The following MAT2B variants were observed in gnomAD, a reference collection of about 807,000 sequenced individuals.
MAT2B encodes the protein methionine adenosyltransferase 2 subunit beta.
In MAT2B, 16 loss-of-function variants were observed where a neutral mutation model predicts 36.1. The observed-to-expected ratio is 0.44, with a 90% CI of 0.30 to 0.67. The LOEUF (loss-of-function observed/expected upper bound fraction) is 0.67, where lower values mean the gene tolerates loss of function less well. Ranked by LOEUF, MAT2B falls within the 30% of genes least tolerant of loss-of-function variation. The pLI, the probability that MAT2B is intolerant of heterozygous loss-of-function variation, is 0.09. For missense variants in MAT2B, 332 were observed against 398.2 expected, an observed-to-expected ratio of 0.83 and a Z score of 1.42; for synonymous variants, 148 against 136.9, an observed-to-expected ratio of 1.08 and a Z score of -0.57.
At chr5:163,512,734 G>A in intron 2 of MAT2B, 2 of 451,120 alleles carry the variant, frequency 4.4e-6, no homozygotes, top group Non-Finnish European at 8.9e-6. Context: ...AGGCTGGAGT[G>A]CAGTGGTGCA....
In MAT2B at chr5:163,513,600, G is replaced by A; in HGVS notation, c.304G>A (p.Val102Ile). ...TGCAGCAGAGAGAAGACCAGATGTTGTAGAAAATCAGCCAGATGCTGCCTC... is the reference window on the plus strand; with the variant it reads ...TGCAGCAGAGAGAAGACCAGATGTTATAGAAAATCAGCCAGATGCTGCCTC... Reference protein sequence around the residue: ...HCAAERRPDVVENQPDAASQL... With the variant: ...HCAAERRPDVIENQPDAASQL... Residue 102 changes from valine (V) to isoleucine (I), a missense_variant, in exon 3 of 7, where the codon GTA becomes ATA. By Grantham distance (29) the Val-to-Ile change is conservative. Transcript: ENST00000321757. The A allele has an allele frequency of 6.2e-7, 1 of 1,613,894 alleles. No individual in the cohort carries two copies. The highest frequency in any genetic ancestry group is 8.5e-7 in the Non-Finnish European group (1 of 1,179,816).
chr5:163,517,060 G>A (rs559563821), intron 5 of MAT2B: 5 of 373,530 alleles, frequency 1.3e-5, no homozygotes, highest in Admixed American at 1.2e-4. Flanking sequence ...GAAAAAGTTG[G>A]TATTAAATAT....
At chr5:163,503,574 G>A (rs1759881906), upstream of MAT2B, 4 of 770,660 alleles carry the variant, frequency 5.2e-6, no homozygotes, top group Admixed American at 4.8e-5. Flanking sequence ...CTCGGGACAT[G>A]GAAGAATAAG....
chr5:163,508,832 A>G (rs1011889697), intron 1 of MAT2B, among the ~76,000 whole-genome samples: 3 of 152,204 alleles, frequency 2.0e-5, no homozygotes, highest in African/African-American at 7.2e-5. Flanking sequence ...CAAGATTTTT[A>G]TTAAGAGTGA....
At position 163,505,686 on chromosome 5, in the gene MAT2B, C is replaced by T. The variant is rs1156300585; in HGVS notation, c.-1C>T. ...GAGGCTGCGGCGTGAAGACGGCGGG[C>T]ATGGTGGGGCGGGAGAAAGAGCTCT... is the stretch of plus-strand genomic sequence containing the variant. On this transcript the variant is annotated 5_prime_UTR_variant, in exon 1 of 7. Transcript: ENST00000321757. 3.9e-6 allele frequency: 5 copies of T among 1,283,496 alleles called. No individual in the cohort carries two copies. In the South Asian group the frequency reaches 1.4e-4, roughly 37 times the overall value. The allele number at this position is 1,283,496 out of a possible 1,614,324, so 79.5% of individuals were successfully genotyped here.
chr5:163,511,371 C>T (rs1407729596), intron 1 of MAT2B, among the ~76,000 whole-genome samples: 4 of 151,320 alleles, frequency 2.6e-5, no homozygotes, highest in East Asian at 1.9e-4. Flanking sequence ...GCTCGTGATC[C>T]TCCCACCCCA....
rs1760083824 is a variant in MAT2B, at chr5:163,513,602, A to G, written c.306A>G (p.Val102=). ...CAGCAGAGAGAAGACCAGATGTTGT[A>G]GAAAATCAGCCAGATGCTGCCTCTC... ...HCAAERRPDV[V]ENQPDAASQL... is the part of the protein sequence containing the mutation. Residue 102 remains valine, a synonymous_variant, in exon 3 of 7, where the codon GTA becomes GTG. Coordinates refer to ENST00000321757, the MANE Select transcript of MAT2B (RefSeq NM_013283.5). The G allele has an allele frequency of 6.2e-7, 1 of 1,613,830 alleles. No individual in the cohort carries two copies. The highest frequency in any genetic ancestry group is 8.5e-7 in the Non-Finnish European group (1 of 1,179,858).
chr5:163,504,034 A>C (rs1408899918), upstream of MAT2B, among the ~76,000 whole-genome samples: 2 of 152,242 alleles, frequency 1.3e-5, no homozygotes, highest in African/African-American at 2.4e-5. Flanking sequence ...GGCTGCTCTG[A>C]GAATCAGAAT....
upstream of MAT2B, among the ~76,000 whole-genome samples, chr5:163,504,859 C>T (rs1010631998): frequency 2.0e-5 from 3 of 152,088 alleles, no homozygotes; most frequent in African/African-American, 7.2e-5. Flanking sequence ...TGGCCCAATC[C>T]TGCAATCCCC....
chr5:163,509,682 C>T (rs563477607), intron 1 of MAT2B, among the ~76,000 whole-genome samples: 31 of 152,246 alleles, frequency 2.0e-4, no homozygotes, highest in African/African-American at 6.3e-4. Flanking sequence ...GAATCTTTAC[C>T]GTATTTATCC....
chr5:163,517,811 T>C (rs1760156423), intron 6 of MAT2B, 137 bp downstream of exon 6: 1 of 577,744 alleles, frequency 1.7e-6, no homozygotes, highest in Non-Finnish European at 3.2e-6. Flanking sequence ...TACTTTTCTC[T>C]AAATTATCAT....
chr5:163,511,439 C>CTT (rs60009583), intron 1 of MAT2B, among the ~76,000 whole-genome samples: 67 of 69,524 alleles, frequency 9.6e-4, no homozygotes, highest in Middle Eastern at 0.013. Flanking sequence ...CTAATTTTTG[C>CTT]TTTTTTTTTT....
rs1326186534 is a variant in MAT2B, at chr5:163,516,709, C to T, written c.718C>T (p.Leu240=). 1.9e-6 allele frequency: 3 copies of T among 1,613,890 alleles called. No homozygotes were observed. In the Admixed American group the frequency reaches 5.0e-5, roughly 27 times the overall value. ...VCRQLAEKRM[L]DPSIKGTFHW... ...CCGGCAGCTAGCAGAGAAGAGAATG[C>T]TGGTAAGAAGGATTCCTGAGTCCTG... Residue 240 remains leucine, a splice_region_variant and synonymous_variant, in exon 5 of 7, where the codon CTG becomes TTG. Transcript: ENST00000321757.
Position 163,516,542 on chromosome 5 carries a change from T to C in MAT2B, c.551T>C (p.Ile184Thr), listed in dbSNP as rs763480646. The C allele has an allele frequency of 6.3e-5, 101 of 1,614,102 alleles. No individual in the cohort carries two copies. Among genetic ancestry groups the C allele is most frequent in the Non-Finnish European group, 8.1e-5 (96 of 1,180,040 alleles). ...NLGAAVLRIPILYGEVEKLEE... is the reference protein window; with the variant it reads ...NLGAAVLRIPTLYGEVEKLEE... ...GGAGCTGCTGTTTTGAGGATTCCTA[T>C]TCTGTATGGGGAAGTTGAAAAGCTC... The change falls in exon 5 of 7, where the codon ATT (isoleucine) becomes ACT (threonine). Residue 184 changes from isoleucine to threonine, a missense_variant. Physicochemically the swap from Ile to Thr is moderately conservative, Grantham distance 89. Transcript: ENST00000321757.
chr5:163,507,893 G>C (rs77429502), intron 1 of MAT2B, among the ~76,000 whole-genome samples: 1 of 152,146 alleles, frequency 6.6e-6, no homozygotes. Flanking sequence ...CGGACTCCTC[G>C]TGGTAGGGAT....
intron 4 of MAT2B, among the ~76,000 whole-genome samples, chr5:163,516,071 C>G (rs939617422): frequency 3.3e-5 from 5 of 152,120 alleles, no homozygotes; most frequent in African/African-American, 1.2e-4. Context: ...GAGGCAGGGT[C>G]TCACTCTGTT....
intron 4 of MAT2B, 100 bp downstream of exon 4, chr5:163,514,094 A>G: frequency 1.1e-6 from 1 of 942,770 alleles, no homozygotes; most frequent in Non-Finnish European, 1.5e-6. Context: ...GTCAATGAAT[A>G]TGAATCATTA....
rs1456466838 is a variant in MAT2B at position 163,515,935 on chromosome 5, G to T, written c.527-583G>T. On this transcript the variant is annotated intron_variant, in intron 4 of 6. Transcript: ENST00000321757. ...CATTTTGTAGAGACGAGGTCTCACTGTGTTGTCCACGCTGGTCTCGAACTC... is the reference window on the plus strand; with the variant it reads ...CATTTTGTAGAGACGAGGTCTCACTTTGTTGTCCACGCTGGTCTCGAACTC... 2.0e-5 allele frequency among the ~76,000 whole-genome samples: 3 copies of T among 151,854 alleles called. No homozygotes were observed. In the East Asian group the frequency reaches 5.8e-4, roughly 29 times the overall value.
In MAT2B at chr5:163,505,665, C is replaced by T; in HGVS notation, c.-22C>T. 2 of 1,275,736 alleles carry T rather than the reference C, an allele frequency of 1.6e-6. No homozygotes were observed. Among genetic ancestry groups the T allele is most frequent in the Non-Finnish European group, 2.0e-6 (2 of 1,003,728 alleles). 79.0% of individuals were successfully genotyped at this position (1,275,736 alleles called of 1,614,324 possible). A position where few individuals can be genotyped will look rare whatever the true frequency, so the allele number is the denominator to read the frequency against. On this transcript the variant is annotated 5_prime_UTR_variant, in exon 1 of 7. Transcript: ENST00000321757. ...TTGGAGGAGGTGGCGGCCGCTGAGG[C>T]TGCGGCGTGAAGACGGCGGGCATGG...
Sources: gnomAD v4.1 joint callset for allele counts (sites outside exome capture counted in the v4.1 genomes callset) on GRCh38, gnomAD v4.1.1 for gene constraint, MANE v1.5 for transcripts, NCBI Gene and HGNC (gene_info 2026-07-23, HGNC 2026-07-21) for gene names.